KIAA1549L: variants seen among roughly 807,000 people sequenced by gnomAD.
KIAA1549L encodes the protein KIAA1549 like, also known as UPF0606 protein KIAA1549L.
In KIAA1549L, 88 loss-of-function variants were observed where a neutral mutation model predicts 160.7. The ratio of observed to expected loss-of-function variants is 0.55; its 90% CI spans 0.46 to 0.65. The LOEUF is 0.65. Among genes scored for constraint, KIAA1549L ranks in the 30% least tolerant of loss-of-function variants. The probability of loss-of-function intolerance (pLI) is 0.00; values close to 1 mark genes in which losing one functional copy is unlikely to be tolerated. For missense variants in KIAA1549L, 2,258 were observed against 2,437.5 expected (o/e 0.93, Z 1.55); for synonymous variants, 950 against 976.7 (o/e 0.97, Z 0.51).
Position 33,609,981 on chromosome 11 carries a change from G to C in KIAA1549L, c.5279+15G>C. 1 of 1,604,426 alleles carries C rather than the reference G, an allele frequency of 6.2e-7. No individual in the cohort carries two copies. ...TCTAAAAACAGGTGCAGTCTCTAAGGGATTCTGTAAAGGGTGCTGTATCAT... is the reference window on the plus strand; with the variant it reads ...TCTAAAAACAGGTGCAGTCTCTAAGCGATTCTGTAAAGGGTGCTGTATCAT... On this transcript the variant is annotated intron_variant, in intron 15 of 20. Coordinates refer to ENST00000658780, the MANE Select transcript of KIAA1549L (RefSeq NM_012194.3).
At chr11:33,599,540 C>T (rs555403348) in intron 13 of KIAA1549L, 10 of 152,112 alleles carry the variant, frequency 6.6e-5, no homozygotes, top group African/African-American at 2.4e-4. Context: ...TTATATGCTT[C>T]TGTCTTAATT....
Position 33,435,800 on chromosome 11 carries a change from A to ATATATGTGTG in KIAA1549L, c.238+58916_238+58917insGTGTGTATAT, listed in dbSNP as rs1565135897. ...TATATATATATATATATATATATAT[A>ATATATGTGTG]TATATATATATGTGTGTGTATATAT... On this transcript the variant is annotated intron_variant, in intron 1 of 20. Coordinates refer to ENST00000658780, the MANE Select transcript of KIAA1549L (RefSeq NM_012194.3). 5.1e-3 allele frequency among the ~76,000 whole-genome samples: 66 copies of ATATATGTGTG among 12,882 alleles called. 5 individuals are homozygous for ATATATGTGTG. Among genetic ancestry groups the ATATATGTGTG allele is most frequent in the Admixed American group, 8.5e-3 (6 of 710 alleles). 8.5% of individuals were successfully genotyped at this position (12,882 alleles called of 152,430 possible).
At chr11:33,510,540 A>G (rs1298779651) in intron 1 of KIAA1549L, among the ~76,000 whole-genome samples, 4 of 152,200 alleles carry the variant, frequency 2.6e-5, no homozygotes, top group Non-Finnish European at 5.9e-5. Context: ...AAGTAAACAG[A>G]TGTGGAGGAC....
At chr11:33,632,861 G>A (rs554838220) in intron 16 of KIAA1549L, among the ~76,000 whole-genome samples, 1 of 152,222 alleles carries the variant, frequency 6.6e-6, no homozygotes, top group Non-Finnish European at 1.5e-5. Context: ...CTCCCAGAGT[G>A]CTGGGATTAT....
chr11:33,545,999 G>A (rs1252638306), intron 3 of KIAA1549L, among the ~76,000 whole-genome samples: 1 of 152,164 alleles, frequency 6.6e-6, no homozygotes, highest in Non-Finnish European at 1.5e-5. Context: ...TGAAAAAGTG[G>A]GATGGGCAGC....
chr11:33,664,488 T>C (rs1304324341), intron 20 of KIAA1549L, among the ~76,000 whole-genome samples: 1 of 152,144 alleles, frequency 6.6e-6, no homozygotes, highest in Admixed American at 6.5e-5. Flanking sequence ...CCCCATCCAA[T>C]TGGTGATGTC....
chr11:33,648,038 G>T (rs1590438110), intron 17 of KIAA1549L, among the ~76,000 whole-genome samples: 1 of 152,130 alleles, frequency 6.6e-6, no homozygotes, highest in Non-Finnish European at 1.5e-5. Context: ...ACCCAGGCTG[G>T]AGTGCAAGTG....
At chr11:33,405,716 C>T (rs148192249) in intron 1 of KIAA1549L, among the ~76,000 whole-genome samples, 79 of 151,770 alleles carry the variant, frequency 5.2e-4, no homozygotes, top group South Asian at 8.3e-4. Context: ...GTGGCGGGCA[C>T]CTGTAGTCCC....
intron 1 of KIAA1549L, among the ~76,000 whole-genome samples, chr11:33,399,141 CAG>C (rs1176801435): frequency 6.6e-6 from 1 of 151,978 alleles, no homozygotes; most frequent in East Asian, 1.9e-4. Flanking sequence ...TTAGTAGAGA[CAG>C]GGTTTCACCA....
Position 33,400,994 on chromosome 11 carries a change from T to C in KIAA1549L, c.238+24105T>C, listed in dbSNP as rs184828229. Among the ~76,000 whole-genome samples the C allele has an allele frequency of 2.2e-4, 33 of 152,238 alleles. No individual in the cohort carries two copies. The East Asian group carries it at 6.4e-3, about 29-fold the overall frequency. ...TGCTCCTGTCCACTGCTAAGCTGAA[T>C]GCTCTCCATGACTGTATCTGCCTTT... On this transcript the variant is annotated intron_variant, in intron 1 of 20. Coordinates refer to ENST00000658780, the MANE Select transcript of KIAA1549L (RefSeq NM_012194.3).
intron 1 of KIAA1549L, chr11:33,450,919 C>G (rs909698424): frequency 6.6e-6 from 1 of 152,338 alleles, no homozygotes; most frequent in South Asian, 2.1e-4. Context: ...CTGTGGCTTG[C>G]CCTGACTCCT....
intron 1 of KIAA1549L, among the ~76,000 whole-genome samples, chr11:33,420,236 T>TTTGTTTGTTTGTTTGTTTGTTTG (rs1491426293): frequency 6.9e-4 from 14 of 20,418 alleles, no homozygotes; most frequent in African/African-American, 2.1e-3. Flanking sequence ...TTTTTTTTTG[T>TTTGTTTGTTTGTTTGTTTGTTTG]TTTTTTTTTT....
At chr11:33,439,216 T>C (rs1477719019) in intron 1 of KIAA1549L, among the ~76,000 whole-genome samples, 2 of 151,802 alleles carry the variant, frequency 1.3e-5, no homozygotes, top group African/African-American at 4.8e-5. Flanking sequence ...CTGGCCTAAA[T>C]TGAAATTTTT....
At chr11:33,652,637 C>T (rs1394075224) in intron 17 of KIAA1549L, among the ~76,000 whole-genome samples, 1 of 152,216 alleles carries the variant, frequency 6.6e-6, no homozygotes, top group Non-Finnish European at 1.5e-5. Context: ...TTGTCTGTCT[C>T]CTCCGCTGAA....
intron 18 of KIAA1549L, 139 bp from the exon 19 acceptor site, chr11:33,658,611 G>C: frequency 2.6e-6 from 2 of 779,052 alleles, no homozygotes. Flanking sequence ...TTGTTATCTG[G>C]GAATAAATCC....
At chr11:33,423,490 A>G (rs1467378839) in intron 1 of KIAA1549L, among the ~76,000 whole-genome samples, 1 of 152,228 alleles carries the variant, frequency 6.6e-6, no homozygotes, top group Non-Finnish European at 1.5e-5. Flanking sequence ...TGTGAGGAAA[A>G]ATTAATCTTA....
At position 33,671,004 on chromosome 11, in the gene KIAA1549L, G is replaced by GA. The variant is rs1384310230; in HGVS notation, c.*2850_*2851insA. 1 of 151,994 alleles carries GA rather than the reference G, an allele frequency of 6.6e-6. No homozygotes were observed. Among genetic ancestry groups the GA allele is most frequent in the Non-Finnish European group, 1.5e-5 (1 of 68,018 alleles). The allele number at this position is 151,994 out of a possible 1,614,324, so 9.4% of individuals were successfully genotyped here. On this transcript the variant is annotated 3_prime_UTR_variant, in exon 21 of 21. Transcript: ENST00000658780. The stretch of plus-strand genomic sequence containing the variant: ...CCTAGAGGTTTAAAAAAAAGATAAG[G>GA]GTCATATGAAGAACTCCATAATGTT...
Position 33,656,003 on chromosome 11 carries a change from C to T in KIAA1549L, c.5761-9C>T. ...ACAACTCTCCCTGTATTGCTTGTCT[C>T]TTTCACAGGCTTACAGGTTTTCCCA... On this transcript the variant is annotated splice_polypyrimidine_tract_variant and intron_variant, in intron 17 of 20. Coordinates refer to ENST00000658780, the MANE Select transcript of KIAA1549L (RefSeq NM_012194.3). 6.2e-7 allele frequency: 1 copy of T among 1,606,920 alleles called. No homozygotes were observed. Among genetic ancestry groups the T allele is most frequent in the Non-Finnish European group, 8.5e-7 (1 of 1,173,614 alleles).
At chr11:33,609,580 A>G (rs924215762) in intron 14 of KIAA1549L, among the ~76,000 whole-genome samples, 169 bp from the exon 15 acceptor site, 2 of 152,138 alleles carry the variant, frequency 1.3e-5, no homozygotes, top group African/African-American at 4.8e-5. Context: ...TCTATAGTCT[A>G]CTGTTGTGGG....
Sources: gnomAD v4.1 joint callset for allele counts (sites outside exome capture counted in the v4.1 genomes callset) on GRCh38, gnomAD v4.1.1 for gene constraint, MANE v1.5 for transcripts, NCBI Gene and HGNC (gene_info 2026-07-23, HGNC 2026-07-21) for gene names.